Variants in CDH1 observed in about 807,000 individuals in gnomAD.
CDH1 encodes cadherin-1.
CDH1 carries 35 observed loss-of-function variants against 84.5 expected under a neutral mutation model. That is an observed-to-expected ratio of 0.41 (90% CI 0.32 to 0.55). CDH1 has a LOEUF of 0.55. CDH1 is among the 20% of genes least tolerant of loss of function. The pLI, the probability that CDH1 is intolerant of heterozygous loss-of-function variation, is 0.19. For synonymous variants in CDH1, 417 were observed against 439.0 expected, an observed-to-expected ratio of 0.95 and a Z score of 0.63; for missense variants, 994 against 1,126.6, an observed-to-expected ratio of 0.88 and a Z score of 1.68.
intron 13 of CDH1, chr16:68,826,560 A>G (rs763777662): frequency 6.6e-6 from 1 of 152,054 alleles, no homozygotes; most frequent in African/African-American, 2.4e-5. Flanking sequence ...CCTAGGTTTC[A>G]AGATCAGCCT....
chr16:68,822,273 T>G (rs1961176040), intron 12 of CDH1, 48 bp downstream of exon 12: 2 of 1,269,352 alleles, frequency 1.6e-6, no homozygotes, highest in Non-Finnish European at 2.3e-6. Context: ...ACTGCCATGC[T>G]TCCCTTCCCC....
At position 68,750,638 on chromosome 16, in the gene CDH1, CAAG is replaced by C. The variant is rs768552400; in HGVS notation, c.163+12238_163+12240del. Among the ~76,000 whole-genome samples the C allele has an allele frequency of 6.4e-4, 96 of 151,028 alleles. 1 individual carries two copies. Among genetic ancestry groups the C allele is most frequent in the African/African-American group, 2.1e-3 (87 of 41,146 alleles). On this transcript the variant is annotated intron_variant, in intron 2 of 15. Transcript: ENST00000261769. ...CAAATTTATTTGACCTGGGCAAGTT[CAAG>C]AAGAAGAAGAGCACCTGATTCTGTG...
chr16:68,770,503 C>T (rs1176077463), intron 2 of CDH1, among the ~76,000 whole-genome samples: 2 of 151,972 alleles, frequency 1.3e-5, no homozygotes, highest in Non-Finnish European at 2.9e-5. Context: ...CTGCTGTGGG[C>T]CAGGCACCAG....
chr16:68,767,488 G>A (rs1238140522), intron 2 of CDH1, among the ~76,000 whole-genome samples: 5 of 151,958 alleles, frequency 3.3e-5, no homozygotes, highest in African/African-American at 4.8e-5. Flanking sequence ...CTGAGCCACC[G>A]TGCCCGGCCT....
intron 2 of CDH1, among the ~76,000 whole-genome samples, chr16:68,786,534 C>CTTTT (rs3074434): frequency 2.7e-5 from 2 of 73,914 alleles, no homozygotes; most frequent in African/African-American, 5.9e-5. Flanking sequence ...TTTTTTTTTT[C>CTTTT]TTTTTTTTTT....
At chr16:68,750,851 A>G (rs1962868969) in intron 2 of CDH1, among the ~76,000 whole-genome samples, 1 of 151,664 alleles carries the variant, frequency 6.6e-6, no homozygotes, top group Admixed American at 6.6e-5. Context: ...ATACAGACAC[A>G]CATCACCATG....
chr16:68,761,954 A>G (rs1297169300), intron 2 of CDH1, among the ~76,000 whole-genome samples: 2 of 152,180 alleles, frequency 1.3e-5, no homozygotes, highest in Non-Finnish European at 2.9e-5. Context: ...CCTTTAGCCC[A>G]GATCCACCGG....
chr16:68,783,273 T>G (rs1167252054), intron 2 of CDH1, among the ~76,000 whole-genome samples: 1 of 151,430 alleles, frequency 6.6e-6, no homozygotes, highest in Non-Finnish European at 1.5e-5. Context: ...GGCACATGCC[T>G]GTAATCCCAG....
chr16:68,751,493 C>CTTAT (rs55979620), intron 2 of CDH1, among the ~76,000 whole-genome samples: 71,131 of 149,102 alleles, frequency 0.48, 18,003 homozygotes, highest in Non-Finnish European at 0.57. Context: ...TCTTGAACCC[C>CTTAT]TTATTTATTT....
At chr16:68,823,354 T>C (rs2152139164) in intron 12 of CDH1, 45 bp from the exon 13 acceptor site, 5 of 1,389,828 alleles carry the variant, frequency 3.6e-6, no homozygotes, top group Non-Finnish European at 5.1e-6. Flanking sequence ...GAGCTTTTTA[T>C]TTTCCTCCCC....
intron 2 of CDH1, among the ~76,000 whole-genome samples, chr16:68,756,008 C>T (rs1567480090): frequency 6.6e-6 from 1 of 152,064 alleles, no homozygotes; most frequent in East Asian, 1.9e-4. Flanking sequence ...AGGTGATAAG[C>T]CCTCCTCGGC....
At chr16:68,808,596 G>A (rs751559614) in intron 4 of CDH1, 29 bp downstream of exon 4, 5 of 1,613,878 alleles carry the variant, frequency 3.1e-6, no homozygotes, top group Non-Finnish European at 4.2e-6. Context: ...TGTTTCTCTG[G>A]GAGGGATTTG....
intron 2 of CDH1, among the ~76,000 whole-genome samples, chr16:68,742,108 C>T (rs917336683): frequency 3.9e-5 from 6 of 152,066 alleles, no homozygotes; most frequent in African/African-American, 7.2e-5. Flanking sequence ...GACTCAGGCG[C>T]GGAAAAAAGA....
At chr16:68,781,854 A>G (rs1374187226) in intron 2 of CDH1, among the ~76,000 whole-genome samples, 2 of 152,024 alleles carry the variant, frequency 1.3e-5, no homozygotes, top group African/African-American at 2.4e-5. Flanking sequence ...AGGTGCCCAT[A>G]TCTTAACCCA....
At chr16:68,799,620 G>A (rs570857609) in intron 2 of CDH1, among the ~76,000 whole-genome samples, 1 of 152,074 alleles carries the variant, frequency 6.6e-6, no homozygotes, top group Non-Finnish European at 1.5e-5. Flanking sequence ...TCAGGTTGGG[G>A]CTCCCTCTCA....
chr16:68,794,955 G>A (rs539147676), intron 2 of CDH1, among the ~76,000 whole-genome samples: 34 of 151,896 alleles, frequency 2.2e-4, no homozygotes, highest in African/African-American at 8.0e-4. Flanking sequence ...GCCTCCCATA[G>A]TGCTGGGATT....
intron 2 of CDH1, among the ~76,000 whole-genome samples, chr16:68,798,830 A>G (rs1315256787): frequency 6.6e-6 from 1 of 152,098 alleles, no homozygotes; most frequent in Admixed American, 6.5e-5. Context: ...TTGAAAAGAA[A>G]TTCCTATTTT....
intron 10 of CDH1, 82 bp downstream of exon 10, chr16:68,815,841 C>T (rs1960974991): frequency 4.0e-6 from 6 of 1,492,306 alleles, no homozygotes; most frequent in Admixed American, 1.7e-5. Flanking sequence ...ATATGTACTT[C>T]ATGGCATTTT....
chr16:68,738,635 G>A lies in CDH1; in HGVS notation c.163+224G>A, dbSNP rs866173523. ...TTGTTGACTATGTTATAAAGAAGAG[G>A]AGGTTGAGGGCACTTACTAGAAGCC... On this transcript the variant is annotated intron_variant, in intron 2 of 15. Transcript: ENST00000261769. Among the ~76,000 whole-genome samples the A allele has an allele frequency of 1.3e-5, 2 of 152,160 alleles. 1 individual carries two copies. Among genetic ancestry groups the A allele is most frequent in the Non-Finnish European group, 2.9e-5 (2 of 68,036 alleles).
Sources: allele counts gnomAD v4.1 joint callset (sites outside exome capture counted in the v4.1 genomes callset), GRCh38; gene constraint gnomAD v4.1.1; transcripts MANE v1.5; gene names NCBI Gene and HGNC (gene_info 2026-07-23, HGNC 2026-07-21).